The following UBE3D variants were observed in gnomAD, a reference collection of about 807,000 sequenced individuals.
The protein encoded by UBE3D is E3 ubiquitin-protein ligase E3D.
UBE3D carries 48 observed loss-of-function variants against 49.6 expected under a neutral mutation model. The observed-to-expected ratio is 0.97, with a 90% CI of 0.77 to 1.23. The LOEUF is 1.23. Among genes scored for constraint, UBE3D ranks in the 50% most tolerant of loss-of-function variants. The pLI, the probability that UBE3D is intolerant of heterozygous loss-of-function variation, is 0.00. For missense variants in UBE3D, 452 were observed against 468.4 expected, an observed-to-expected ratio of 0.96 and a Z score of 0.32; for synonymous variants, 189 against 174.2, an observed-to-expected ratio of 1.08 and a Z score of -0.67.
At position 82,969,867 on chromosome 6, in the gene UBE3D, T is replaced by C. The variant is rs536737358; in HGVS notation, c.1011-12417A>G. ...AAGAATAAATGTTTGAAAATGACCA[T>C]GTTAAAAAGAATTCAGTAGGCATAT... On this transcript the variant is annotated intron_variant, in intron 8 of 9. Coordinates refer to ENST00000369747, the MANE Select transcript of UBE3D (RefSeq NM_198920.3). Among the ~76,000 whole-genome samples, 270 of 151,926 alleles carry C rather than the reference T, an allele frequency of 1.8e-3. 2 individuals carry two copies. Among genetic ancestry groups the C allele is most frequent in the African/African-American group, 6.0e-3 (249 of 41,502 alleles).
intron 9 of UBE3D, among the ~76,000 whole-genome samples, chr6:82,915,576 A>G (rs889356515): frequency 3.3e-5 from 5 of 152,150 alleles, no homozygotes; most frequent in South Asian, 2.1e-4. Context: ...TGGGAGGGGT[A>G]GTGAGAGATC....
At chr6:83,019,409 G>A (rs944576264) in intron 7 of UBE3D, among the ~76,000 whole-genome samples, 23 of 150,396 alleles carry the variant, frequency 1.5e-4, no homozygotes, top group Admixed American at 4.6e-4. Context: ...TTCAGTAAGG[G>A]GGTAAAACAG....
chr6:83,051,795 T>C (rs1224222888), intron 3 of UBE3D, among the ~76,000 whole-genome samples: 4 of 152,206 alleles, frequency 2.6e-5, no homozygotes, highest in African/African-American at 4.8e-5. Flanking sequence ...TCACCTCATT[T>C]CTTACTCAAG....
intron 4 of UBE3D, among the ~76,000 whole-genome samples, chr6:83,043,147 T>A (rs970747561): frequency 6.6e-6 from 1 of 152,220 alleles, no homozygotes; most frequent in Admixed American, 6.5e-5. Context: ...ACATAACTGA[T>A]AAAGATGTAA....
At chr6:83,029,003 C>A (rs1032948345) in intron 5 of UBE3D, among the ~76,000 whole-genome samples, 1 of 152,128 alleles carries the variant, frequency 6.6e-6, no homozygotes, top group African/African-American at 2.4e-5. Context: ...AAATCTCTTA[C>A]ATATGAGGTT....
intron 9 of UBE3D, among the ~76,000 whole-genome samples, chr6:82,906,788 A>G (rs1455118142): frequency 6.6e-6 from 1 of 152,184 alleles, no homozygotes; most frequent in Admixed American, 6.5e-5. Flanking sequence ...TTTGTATCCT[A>G]TTTAGAAACA....
chr6:82,991,065 C>T (rs2127731911), intron 8 of UBE3D, among the ~76,000 whole-genome samples: 1 of 152,292 alleles, frequency 6.6e-6, no homozygotes, highest in South Asian at 2.1e-4. Context: ...CAGGAGGCCT[C>T]AGTTCCTTAC....
At chr6:83,034,071 T>C (rs754894082) in intron 5 of UBE3D, among the ~76,000 whole-genome samples, 28 of 152,358 alleles carry the variant, frequency 1.8e-4, no homozygotes, top group Middle Eastern at 3.4e-3. Flanking sequence ...CATTTTCTAG[T>C]GCCCTAATAT....
intron 9 of UBE3D, among the ~76,000 whole-genome samples, chr6:82,957,095 C>G (rs1487203214): frequency 6.6e-6 from 1 of 152,104 alleles, no homozygotes; most frequent in Non-Finnish European, 1.5e-5. Flanking sequence ...CACCACTTCA[C>G]TCCAGCCTGG....
chr6:82,942,737 A>G (rs1775103679), intron 9 of UBE3D, among the ~76,000 whole-genome samples: 1 of 152,248 alleles, frequency 6.6e-6, no homozygotes, highest in East Asian at 1.9e-4. Context: ...CCTAGATTTC[A>G]GAGGATGTAT....
At chr6:82,910,081 A>G (rs983490711) in intron 9 of UBE3D, among the ~76,000 whole-genome samples, 2 of 152,182 alleles carry the variant, frequency 1.3e-5, no homozygotes, top group African/African-American at 4.8e-5. Context: ...AGAAAAGAGG[A>G]AAAGCACTGG....
At chr6:82,922,340 C>A (rs1257493586) in intron 9 of UBE3D, among the ~76,000 whole-genome samples, 3 of 152,136 alleles carry the variant, frequency 2.0e-5, no homozygotes, top group Non-Finnish European at 4.4e-5. Context: ...TAATTTCAAT[C>A]TTATATAAAG....
intron 8 of UBE3D, among the ~76,000 whole-genome samples, chr6:83,011,028 T>C (rs557654741): frequency 6.6e-6 from 1 of 152,196 alleles, no homozygotes; most frequent in East Asian, 1.9e-4. Context: ...TCATACATAA[T>C]CTTCAAATAA....
intron 9 of UBE3D, among the ~76,000 whole-genome samples, chr6:82,894,633 G>A (rs1339710170): frequency 1.3e-5 from 2 of 152,076 alleles, no homozygotes; most frequent in Non-Finnish European, 2.9e-5. Context: ...TAATAATAAT[G>A]ATTAGGAAAA....
At chr6:82,963,467 A>G (rs1256323434) in intron 8 of UBE3D, among the ~76,000 whole-genome samples, 2 of 152,186 alleles carry the variant, frequency 1.3e-5, no homozygotes, top group African/African-American at 4.8e-5. Flanking sequence ...TCACACAATC[A>G]TAAGGTCCCA....
At chr6:83,025,831 C>T (rs575525291) in intron 5 of UBE3D, among the ~76,000 whole-genome samples, 2 of 147,068 alleles carry the variant, frequency 1.4e-5, no homozygotes, top group African/African-American at 5.1e-5. Context: ...TGCAGTGAGC[C>T]GAGATCGTGC....
intron 5 of UBE3D, chr6:83,037,085 C>G (rs1174515999): frequency 6.6e-6 from 1 of 152,140 alleles, no homozygotes; most frequent in African/African-American, 2.4e-5. Flanking sequence ...AGTGGGAAAC[C>G]TAGAAGTCTA....
At chr6:82,909,908 T>C (rs1482612165) in intron 9 of UBE3D, among the ~76,000 whole-genome samples, 1 of 152,178 alleles carries the variant, frequency 6.6e-6, no homozygotes, top group Non-Finnish European at 1.5e-5. Context: ...CTTCACTGTT[T>C]AAAATGGCAC....
chr6:83,025,062 A>C (rs1388350818), intron 5 of UBE3D, among the ~76,000 whole-genome samples: 5 of 152,156 alleles, frequency 3.3e-5, no homozygotes, highest in Non-Finnish European at 5.9e-5. Flanking sequence ...CTTCTAGACA[A>C]CACCATGATC....
Sources: gnomAD v4.1 joint callset for allele counts (sites outside exome capture counted in the v4.1 genomes callset) on GRCh38, gnomAD v4.1.1 for gene constraint, MANE v1.5 for transcripts, NCBI Gene and HGNC (gene_info 2026-07-23, HGNC 2026-07-21) for gene names.